Variants in ZMAT1 observed in about 807,000 individuals in gnomAD.
ZMAT1 encodes zinc finger matrin-type 1.
ZMAT1 carries 11 observed loss-of-function variants against 18.5 expected under a neutral mutation model. The observed-to-expected ratio is 0.59, with a 90% CI of 0.37 to 0.98. ZMAT1 has a LOEUF of 0.98. Ranked by LOEUF, ZMAT1 falls within the 50% of genes least tolerant of loss-of-function variation. The pLI, the probability that ZMAT1 is intolerant of heterozygous loss-of-function variation, is 0.01. For synonymous variants in ZMAT1, 211 were observed against 176.4 expected (o/e 1.20, Z -1.55); for missense variants, 525 against 496.2 (o/e 1.06, Z -0.55).
chrX:101,907,281 G>A (rs1333961257), intron 1 of ZMAT1, among the ~76,000 whole-genome samples: 1 of 111,664 alleles, frequency 9.0e-6, no homozygotes, highest in African/African-American at 3.3e-5. Flanking sequence ...GTCAACACAG[G>A]CTGTAGGTCC....
intron 1 of ZMAT1, among the ~76,000 whole-genome samples, chrX:101,929,344 C>G (rs1930268062): frequency 9.6e-6 from 1 of 104,111 alleles, no homozygotes. Flanking sequence ...GTAACATTTT[C>G]CTTTCTTCTC....
rs60541460 is a variant in ZMAT1 at position 101,916,184 on chromosome X, GAAT to G, written c.293-11857_293-11855del. On this transcript the variant is annotated intron_variant, in intron 1 of 5. Coordinates refer to ENST00000651725, the MANE Select transcript of ZMAT1 (RefSeq NM_001394560.1). Reference sequence around the variant, plus strand: ...CATTTCTCACTCATAAGTGGGAGTTGAATAATGAGAACACACGGACACAGTGAG... The same window carrying G: ...CATTTCTCACTCATAAGTGGGAGTTGAATGAGAACACACGGACACAGTGAG... Among the ~76,000 whole-genome samples, 3,290 of 106,749 alleles carry G rather than the reference GAAT, an allele frequency of 0.031. 318 individuals are homozygous for G. In the East Asian group the frequency reaches 0.42, roughly 14 times the overall value. 92.7% of individuals were successfully genotyped at this position (106,749 alleles called of 115,157 possible).
chrX:101,902,129 T>C (rs1443883671), intron 2 of ZMAT1, among the ~76,000 whole-genome samples: 1 of 112,115 alleles, frequency 8.9e-6, no homozygotes, highest in Admixed American at 9.4e-5. Context: ...CCCTATATTA[T>C]CTTGAAGTGT....
intron 1 of ZMAT1, among the ~76,000 whole-genome samples, chrX:101,908,840 G>GC (rs1440431835): frequency 1.2e-4 from 13 of 111,359 alleles, no homozygotes; most frequent in African/African-American, 3.9e-4. Context: ...AATAGGTACC[G>GC]CAATTCGTAG....
chrX:101,886,155 C>A (rs1297613276), intron 5 of ZMAT1, among the ~76,000 whole-genome samples: 1 of 111,936 alleles, frequency 8.9e-6, no homozygotes, highest in Non-Finnish European at 1.9e-5. Flanking sequence ...TATTATATTT[C>A]ATCATAACAA....
chrX:101,897,188 T>C (rs1047187502), intron 4 of ZMAT1, among the ~76,000 whole-genome samples: 2 of 108,935 alleles, frequency 1.8e-5, no homozygotes, highest in African/African-American at 6.7e-5. Flanking sequence ...ATGTCCTTTG[T>C]AGGACATGGA....
Position 101,886,725 on chromosome X carries a change from C to A in ZMAT1, c.683G>T (p.Ser228Ile), listed in dbSNP as rs1374634775. 3 of 1,176,357 alleles carry A rather than the reference C, an allele frequency of 2.6e-6. No homozygotes were observed. Among genetic ancestry groups the A allele is most frequent in the African/African-American group, 1.8e-5 (1 of 56,229 alleles). Residue 228 changes from serine (S) to isoleucine (I), a missense_variant, in exon 5 of 6, where the codon AGT (serine) becomes ATT (isoleucine). Ser to Ile is a moderately radical substitution (Grantham distance 142, BLOSUM62 -2). Transcript: ENST00000651725. ...AATATGGCAAACATAGGTTCTCATA[C>A]TAAATGCTGAAAAAACAAAGAGTTC... ...PSGFQPEMAF[S>I]MRTYVCHICS... is the part of the protein sequence containing the mutation.
intron 1 of ZMAT1, among the ~76,000 whole-genome samples, chrX:101,922,230 A>T (rs1929776315): frequency 9.0e-6 from 1 of 111,091 alleles, no homozygotes; most frequent in South Asian, 3.8e-4. Context: ...CATTTCCTCT[A>T]AATTTGACAT....
Position 101,897,937 on chromosome X carries a change from C to T in ZMAT1, c.607G>A (p.Ala203Thr). Residue 203 changes from alanine to threonine, a missense_variant, in exon 4 of 6, where the codon GCT (alanine) becomes ACT (threonine). Physicochemically the swap from Ala to Thr is moderately conservative, Grantham distance 58. Transcript: ENST00000651725. Reference sequence around the variant, plus strand: ...TCCATTAATTGCTTCAGTTTTTTAGCATGGACCTTTCCCACATAGTGAGAC... The same window carrying T: ...TCCATTAATTGCTTCAGTTTTTTAGTATGGACCTTTCCCACATAGTGAGAC... ...AQSHYVGKVHAKKLKQLMEEH... is the reference protein window; with the variant it reads ...AQSHYVGKVHTKKLKQLMEEH... 8.3e-7 allele frequency: 1 copy of T among 1,211,422 alleles called. No individual in the cohort carries two copies. The highest frequency in any genetic ancestry group is 1.7e-5 in the African/African-American group (1 of 57,827).
chrX:101,918,655 T>A (rs760676896), intron 1 of ZMAT1: 1 of 110,362 alleles, frequency 9.1e-6, no homozygotes, highest in Admixed American at 9.6e-5. Flanking sequence ...AAGTAAAAAT[T>A]AAAAAGAAAG....
At chrX:101,889,073 A>G (rs1331749059) in intron 4 of ZMAT1, 1 of 111,740 alleles carries the variant, frequency 8.9e-6, no homozygotes, top group African/African-American at 3.3e-5. Flanking sequence ...CTAGAACTGT[A>G]GTCTGATTAC....
chrX:101,903,846 T>C (rs774822616), intron 2 of ZMAT1, among the ~76,000 whole-genome samples: 1 of 112,010 alleles, frequency 8.9e-6, no homozygotes, highest in South Asian at 3.7e-4. Flanking sequence ...GTTTTTATAG[T>C]CTTCATTTGC....
chrX:101,914,438 T>C (rs779346789), intron 1 of ZMAT1, among the ~76,000 whole-genome samples: 101 of 110,048 alleles, frequency 9.2e-4, no homozygotes, highest in African/African-American at 3.1e-3. Context: ...TCAACAAAAT[T>C]GACAAACCAT....
intron 1 of ZMAT1, among the ~76,000 whole-genome samples, chrX:101,921,433 T>C (rs1474345316): frequency 8.9e-6 from 1 of 112,533 alleles, no homozygotes; most frequent in Non-Finnish European, 1.9e-5. Context: ...CTCTGCCCTA[T>C]TTGTGAATTA....
intron 1 of ZMAT1, among the ~76,000 whole-genome samples, chrX:101,929,729 T>C (rs1266908543): frequency 9.0e-6 from 1 of 110,926 alleles, no homozygotes; most frequent in Non-Finnish European, 1.9e-5. Flanking sequence ...ATTCATTGAA[T>C]GTCAGGTGAT....
chrX:101,885,956 C>G (rs1469591734), intron 5 of ZMAT1, among the ~76,000 whole-genome samples: 1 of 111,840 alleles, frequency 8.9e-6, no homozygotes, highest in African/African-American at 3.3e-5. Flanking sequence ...AGGCATAAGC[C>G]ACCAGGCCTG....
At chrX:101,901,002 A>G (rs760739798) in intron 2 of ZMAT1, among the ~76,000 whole-genome samples, 2 of 111,324 alleles carry the variant, frequency 1.8e-5, no homozygotes, top group East Asian at 5.6e-4. Flanking sequence ...AGTGTTTTGT[A>G]GTTTTCCTTA....
In ZMAT1 at chrX:101,883,497, C is replaced by G. The variant is rs1926642753; in HGVS notation, c.*13G>C. ...TTTTTTCAATTCAACCTTGGGTAAACAAAACTAAACATTCAAAATCCAAGA... is the reference window on the plus strand; with the variant it reads ...TTTTTTCAATTCAACCTTGGGTAAAGAAAACTAAACATTCAAAATCCAAGA... On this transcript the variant is annotated 3_prime_UTR_variant, in exon 6 of 6. Coordinates refer to ENST00000651725, the MANE Select transcript of ZMAT1 (RefSeq NM_001394560.1). 8.0e-6 allele frequency: 9 copies of G among 1,119,374 alleles called. No homozygotes were observed. In the East Asian group the frequency reaches 2.8e-4, roughly 34 times the overall value. The allele number at this position is 1,119,374 out of a possible 1,213,427, so 92.2% of individuals were successfully genotyped here.
intron 1 of ZMAT1, among the ~76,000 whole-genome samples, chrX:101,930,118 T>C (rs1048263235): frequency 9.8e-5 from 11 of 112,062 alleles, no homozygotes; most frequent in African/African-American, 3.6e-4. Flanking sequence ...TATTAAAAGA[T>C]ACTGCAAACA....
Sources: allele counts gnomAD v4.1 joint callset (sites outside exome capture counted in the v4.1 genomes callset), GRCh38; gene constraint gnomAD v4.1.1; transcripts MANE v1.5; gene names NCBI Gene and HGNC (gene_info 2026-07-23, HGNC 2026-07-21).